The following MYH10 variants were observed in gnomAD, a reference collection of about 807,000 sequenced individuals.
MYH10 encodes myosin-10.
MYH10 carries 55 observed loss-of-function variants against 257.8 expected under a neutral mutation model. The observed-to-expected ratio is 0.21, with a 90% CI of 0.17 to 0.27. The LOEUF (loss-of-function observed/expected upper bound fraction) is 0.27, where lower values mean the gene tolerates loss of function less well. Ranked by LOEUF, MYH10 falls within the 10% of genes least tolerant of loss-of-function variation. The probability of loss-of-function intolerance (pLI) is 1.00; values close to 1 mark genes in which losing one functional copy is unlikely to be tolerated. For missense variants in MYH10, 1,631 were observed against 2,500.6 expected (o/e 0.65, Z 7.42); for synonymous variants, 854 against 921.7 (o/e 0.93, Z 1.33).
At chr17:8,543,531 G>A (rs1239359750) in intron 13 of MYH10, among the ~76,000 whole-genome samples, 1 of 147,194 alleles carries the variant, frequency 6.8e-6, no homozygotes, top group South Asian at 2.1e-4. Context: ...CTGGAGTACA[G>A]TGGCACAATC....
At chr17:8,548,910 C>T in intron 9 of MYH10, 123 bp from the exon 10 acceptor site, 1 of 708,804 alleles carries the variant, frequency 1.4e-6, no homozygotes, top group Non-Finnish European at 2.3e-6. Flanking sequence ...CCATTGCCAG[C>T]AAAATGTTTT....
intron 6 of MYH10, among the ~76,000 whole-genome samples, chr17:8,570,800 C>T (rs1427775446): frequency 6.6e-6 from 1 of 152,058 alleles, no homozygotes; most frequent in Non-Finnish European, 1.5e-5. Context: ...ACTCCATCAC[C>T]ATCAAATTCA....
At chr17:8,619,975 C>G (rs2152104463) in intron 2 of MYH10, among the ~76,000 whole-genome samples, 1 of 152,252 alleles carries the variant, frequency 6.6e-6, no homozygotes, top group South Asian at 2.1e-4. Flanking sequence ...TTTAGGGATG[C>G]ATACTTCATT....
chr17:8,594,144 T>C (rs1486808759), intron 3 of MYH10, among the ~76,000 whole-genome samples: 1 of 152,030 alleles, frequency 6.6e-6, no homozygotes, highest in African/African-American at 2.4e-5. Context: ...TTGCACCATA[T>C]ACAAAAATTA....
intron 30 of MYH10, among the ~76,000 whole-genome samples, chr17:8,497,980 C>CTTTTT (rs71159593): frequency 1.6e-4 from 17 of 103,414 alleles, no homozygotes; most frequent in Admixed American, 4.2e-4. Flanking sequence ...AATACTATGC[C>CTTTTT]TTTTTTTTTT....
At chr17:8,503,579 T>C (rs1466062918) in intron 28 of MYH10, among the ~76,000 whole-genome samples, 2 of 152,174 alleles carry the variant, frequency 1.3e-5, no homozygotes, top group Non-Finnish European at 2.9e-5. Context: ...TGTCATTCTT[T>C]CCACGACCAA....
chr17:8,587,384 A>G (rs1388324449), intron 4 of MYH10, among the ~76,000 whole-genome samples: 2 of 152,192 alleles, frequency 1.3e-5, no homozygotes, highest in South Asian at 2.1e-4. Context: ...AAAAATTCAT[A>G]TAACAAAGCC....
intron 30 of MYH10, among the ~76,000 whole-genome samples, chr17:8,497,461 C>T (rs888712082): frequency 1.6e-4 from 24 of 152,012 alleles, no homozygotes; most frequent in African/African-American, 5.8e-4. Flanking sequence ...AGAAAAGGGC[C>T]GGGCGCGGTG....
chr17:8,585,705 G>C (rs1274814621), intron 4 of MYH10, among the ~76,000 whole-genome samples: 1 of 152,052 alleles, frequency 6.6e-6, no homozygotes, highest in South Asian at 2.1e-4. Context: ...GGTAAGTACG[G>C]GGGGACAGGA....
chr17:8,537,430 G>A (rs1038404515), intron 14 of MYH10, among the ~76,000 whole-genome samples: 3 of 152,198 alleles, frequency 2.0e-5, no homozygotes, highest in Admixed American at 6.5e-5. Flanking sequence ...GAATGCCAGC[G>A]GGTGGAAGCT....
In MYH10 at chr17:8,552,058, C is replaced by A; in HGVS notation, c.907G>T (p.Glu303Ter). The change falls in exon 9 of 43, where the codon GAA becomes TAA. Residue 303 changes from glutamate (E) to a stop codon, truncating the protein, a stop_gained. Transcript: ENST00000360416. LOFTEE classifies it high-confidence loss of function. This position sits in a 1 kb window ranked among gnomAD's most constrained non-coding sequence, Gnocchi z 4.8. ...CTTTGTAACTTACACTTTAGGTGTT[C>A]TCCTGCTCCAGATAACAACTGGTAA... is the stretch of plus-strand genomic sequence containing the variant. ...IFYQLLSGAG[E>*]HLKSDLLLEG... 6.5e-7 allele frequency: 1 copy of A among 1,538,184 alleles called. No individual in the cohort carries two copies. The highest frequency in any genetic ancestry group is 8.8e-7 in the Non-Finnish European group (1 of 1,133,004).
At position 8,493,834 on chromosome 17, in the gene MYH10, G is replaced by A. The variant is rs375529148; in HGVS notation, c.4108C>T (p.Arg1370Trp). The change falls in exon 32 of 43, where the codon CGG (arginine) becomes TGG (tryptophan). Residue 1370 changes from arginine (R) to tryptophan (W), a missense_variant. Arg to Trp is a moderately radical substitution (Grantham distance 101, BLOSUM62 -3). Around this residue, in one of 11 missense-constraint regions of MYH10, gnomAD observed 463 missense variants for 621.8 expected, o/e 0.74. Coordinates refer to ENST00000360416, the MANE Select transcript of MYH10 (RefSeq NM_001256012.3). Reference sequence around the variant, plus strand: ...CTGTTCTTCTCCTCTTCCAGCTGCCGGATCCGACTGCTCAGGTTTAGTTTC... The same window carrying A: ...CTGTTCTTCTCCTCTTCCAGCTGCCAGATCCGACTGCTCAGGTTTAGTTTC... Reference protein sequence around the residue: ...RQKLNLSSRIRQLEEEKNSLQ... With the variant: ...RQKLNLSSRIWQLEEEKNSLQ... 2.5e-6 allele frequency: 4 copies of A among 1,613,446 alleles called. No homozygotes were observed. Among genetic ancestry groups the A allele is most frequent in the Non-Finnish European group, 3.4e-6 (4 of 1,179,862 alleles).
chr17:8,476,477 T>C (rs1163744677), intron 42 of MYH10, among the ~76,000 whole-genome samples: 3 of 152,224 alleles, frequency 2.0e-5, no homozygotes, highest in Non-Finnish European at 4.4e-5. Context: ...CTCTGCCCTC[T>C]CACTGGTACA....
At chr17:8,565,828 T>C (rs769197754) in intron 7 of MYH10, among the ~76,000 whole-genome samples, 1 of 152,224 alleles carries the variant, frequency 6.6e-6, no homozygotes, top group Non-Finnish European at 1.5e-5. Flanking sequence ...GAATGTAAAA[T>C]AGGTTTCTAT....
intron 17 of MYH10, among the ~76,000 whole-genome samples, chr17:8,522,492 G>A (rs1249696890): frequency 6.6e-6 from 1 of 152,222 alleles, no homozygotes; most frequent in African/African-American, 2.4e-5. Flanking sequence ...ATTCAAGGGT[G>A]TGGGTCAGAG....
chr17:8,483,953 C>CTGTT (rs1491048492), intron 37 of MYH10, among the ~76,000 whole-genome samples, 185 bp downstream of exon 37: 1 of 151,578 alleles, frequency 6.6e-6, no homozygotes, highest in African/African-American at 2.4e-5. Flanking sequence ...TGATAACTTT[C>CTGTT]TGTTTCCAAA....
chr17:8,509,082 G>A (rs1185245769), intron 25 of MYH10, among the ~76,000 whole-genome samples: 6 of 152,128 alleles, frequency 3.9e-5, no homozygotes, highest in South Asian at 2.1e-4. Flanking sequence ...TGCAAGCTCC[G>A]TTCATGGTGA....
Position 8,506,325 on chromosome 17 carries a change from G to T in MYH10, c.3379C>A (p.Leu1127Met). ...AGCTGCTGGGCTGCAGACCTGGCCA[G>T]TGCGCCCTGCAGCTCCTCCTCCTTC... Reference protein sequence around the residue: ...AKKEEELQGALARGDDETLHK... With the variant: ...AKKEEELQGAMARGDDETLHK... The change falls in exon 27 of 43, where the codon CTG becomes ATG. Residue 1127 changes from leucine (L) to methionine (M), a missense_variant. Transcript: ENST00000360416. The surrounding 1 kb of genome is among the most constrained non-coding windows in gnomAD (Gnocchi z 5.0). 2 of 1,598,090 alleles carry T rather than the reference G, an allele frequency of 1.3e-6. No individual in the cohort carries two copies. The highest frequency in any genetic ancestry group is 3.7e-5 in the Admixed American group (2 of 54,608).
At chr17:8,596,844 C>T (rs1201223374) in intron 3 of MYH10, among the ~76,000 whole-genome samples, 1 of 152,010 alleles carries the variant, frequency 6.6e-6, no homozygotes, top group Admixed American at 6.6e-5. Flanking sequence ...AGGAAGCTAC[C>T]AGAGGTTATC....
Sources: gnomAD v4.1 joint callset for allele counts (sites outside exome capture counted in the v4.1 genomes callset) on GRCh38, gnomAD v4.1.1 for gene constraint, gnomAD v4.1.1 regional missense constraint, Gnocchi (gnomAD v3.1) non-coding constraint, MANE v1.5 for transcripts, NCBI Gene and HGNC (gene_info 2026-07-23, HGNC 2026-07-21) for gene names.